The following ESRP1 variants were observed in gnomAD, a reference collection of about 807,000 sequenced individuals.
The protein encoded by ESRP1 is epithelial splicing regulatory protein 1.
ESRP1 carries 33 observed loss-of-function variants against 81.7 expected under a neutral mutation model. The ratio of observed to expected loss-of-function variants is 0.40; its 90% confidence interval spans 0.31 to 0.54. ESRP1 has a LOEUF of 0.54. Among genes scored for constraint, ESRP1 ranks in the 20% least tolerant of loss-of-function variants. ESRP1 has a pLI of 0.41. For synonymous variants in ESRP1, 320 were observed against 303.3 expected (o/e 1.06, Z -0.57); for missense variants, 672 against 833.1 (o/e 0.81, Z 2.38).
At chr8:94,660,746 A>G (rs1393165687) in intron 4 of ESRP1, among the ~76,000 whole-genome samples, 2 of 136,804 alleles carry the variant, frequency 1.5e-5, no homozygotes, top group South Asian at 2.4e-4. Context: ...AAAAAAAACC[A>G]AAACAAACAA....
At chr8:94,650,103 A>C (rs1203710224) in intron 4 of ESRP1, among the ~76,000 whole-genome samples, 1 of 152,154 alleles carries the variant, frequency 6.6e-6, no homozygotes, top group Non-Finnish European at 1.5e-5. Context: ...GCCTACATTG[A>C]CATGTCAATA....
intron 4 of ESRP1, among the ~76,000 whole-genome samples, chr8:94,656,463 C>T (rs533081674): frequency 3.3e-5 from 5 of 152,108 alleles, no homozygotes; most frequent in Admixed American, 2.6e-4. Context: ...CCTTGTGATC[C>T]GCCCACCTTG....
At chr8:94,661,802 G>A (rs1052773619) in intron 4 of ESRP1, among the ~76,000 whole-genome samples, 3 of 152,056 alleles carry the variant, frequency 2.0e-5, no homozygotes, top group Admixed American at 2.0e-4. Context: ...GTGGCATTGT[G>A]GAAGTAATGT....
At chr8:94,648,902 C>T (rs756851758) in intron 4 of ESRP1, among the ~76,000 whole-genome samples, 6 of 152,166 alleles carry the variant, frequency 3.9e-5, no homozygotes, top group Non-Finnish European at 7.3e-5. Flanking sequence ...ACTTTACATC[C>T]AAGTAAATTT....
Position 94,662,339 on chromosome 8 carries a change from T to C in ESRP1, c.558T>C (p.Asn186=). The C allele has an allele frequency of 6.3e-7, 1 of 1,584,578 alleles. No individual in the cohort carries two copies. Residue 186 remains asparagine (N), a synonymous_variant, in exon 5 of 16, where the codon AAT becomes AAC. Transcript: ENST00000433389. ...YGASQVEDMG[N]IILAMISEPY... The stretch of plus-strand genomic sequence containing the variant: ...CCTCTCAAGTTGAAGATATGGGGAA[T>C]ATAATTTTAGCAATGATTTCAGAGC...
In ESRP1 at chr8:94,665,044, G is replaced by A. The variant is rs772723160; in HGVS notation, c.873G>A (p.Gly291=). The A allele has an allele frequency of 5.0e-6, 8 of 1,613,744 alleles. No homozygotes were observed. The Admixed American group carries it at 1.3e-4, about 27-fold the overall frequency. ...TACAGAGGCACAAACATCACATGGG[G>A]ACCCGGTATATTGAGGTATGTCCTC... The part of the protein sequence containing the change: ...LALQRHKHHM[G]TRYIEVYKAT... The change falls in exon 8 of 16, where the codon GGG becomes GGA. Residue 291 remains glycine (G), a synonymous_variant. Coordinates refer to ENST00000433389, the MANE Select transcript of ESRP1 (RefSeq NM_017697.4).
intron 15 of ESRP1, among the ~76,000 whole-genome samples, chr8:94,704,552 C>A (rs1168103750): frequency 1.3e-5 from 2 of 151,866 alleles, no homozygotes; most frequent in Admixed American, 1.3e-4. Flanking sequence ...TTGCTCGAGG[C>A]CTGGAGTTTG....
At chr8:94,702,191 ACT>A (rs1228107175) in intron 15 of ESRP1, among the ~76,000 whole-genome samples, 3 of 152,136 alleles carry the variant, frequency 2.0e-5, no homozygotes, top group African/African-American at 4.8e-5. Flanking sequence ...ATGGAATCTC[ACT>A]CTGTCACCCA....
chr8:94,664,937 G>A lies in ESRP1; in HGVS notation c.766G>A (p.Ala256Thr). The A allele has an allele frequency of 6.2e-7, 1 of 1,613,096 alleles. No homozygotes were observed. Among genetic ancestry groups the A allele is most frequent in the Non-Finnish European group, 8.5e-7 (1 of 1,179,776 alleles). ...TTATTATTCTCAAAGGGGAGGTGCA[G>A]CACTTTGTCTGAATGCTCAGGGTCG... ...KGLNIAKGGA[A>T]LCLNAQGRRN... Residue 256 changes from alanine (A) to threonine (T), a missense_variant, in exon 8 of 16, where the codon GCA (alanine) becomes ACA (threonine). By Grantham distance (58) the Ala-to-Thr change is moderately conservative (BLOSUM62 0). Transcript: ENST00000433389.
At position 94,664,930 on chromosome 8, in the gene ESRP1, A is replaced by T; in HGVS notation, c.759A>T (p.Gly253=). The T allele has an allele frequency of 6.2e-7, 1 of 1,609,624 alleles. No individual in the cohort carries two copies. The highest frequency in any genetic ancestry group is 8.5e-7 in the Non-Finnish European group (1 of 1,179,020). ...GTCTGTTTTATTATTCTCAAAGGGG[A>T]GGTGCAGCACTTTGTCTGAATGCTC... The part of the protein sequence containing the change: ...RFFKGLNIAK[G]GAALCLNAQG... Residue 253 remains glycine (G), a synonymous_variant, in exon 8 of 16, where the codon GGA becomes GGT. Transcript: ENST00000433389.
chr8:94,641,372 C>T lies in ESRP1; in HGVS notation c.54C>T (p.Ala18=), dbSNP rs1817579699. 1 of 1,613,936 alleles carries T rather than the reference C, an allele frequency of 6.2e-7. No homozygotes were observed. The highest frequency in any genetic ancestry group is 8.5e-7 in the Non-Finnish European group (1 of 1,179,870). ...TGCTTTTTGGGATCACTGCTGGGGCCACCGGGGCCAAGCTAGGCTCGGATG... is the reference window on the plus strand; with the variant it reads ...TGCTTTTTGGGATCACTGCTGGGGCTACCGGGGCCAAGCTAGGCTCGGATG... ...LVVLFGITAG[A]TGAKLGSDEK... is the part of the protein sequence containing the mutation. Residue 18 remains alanine (A), a synonymous_variant, in exon 1 of 16, where the codon GCC becomes GCT. Coordinates refer to ENST00000433389, the MANE Select transcript of ESRP1 (RefSeq NM_017697.4).
chr8:94,660,724 A>AC (rs1563525238), intron 4 of ESRP1, among the ~76,000 whole-genome samples: 17 of 132,344 alleles, frequency 1.3e-4, no homozygotes, highest in Admixed American at 6.3e-4. Context: ...AAAAAAAAAA[A>AC]AAAAAAAAAA....
At chr8:94,691,025 C>T (rs533921323) in intron 13 of ESRP1, among the ~76,000 whole-genome samples, 173 of 152,264 alleles carry the variant, frequency 1.1e-3, no homozygotes, top group African/African-American at 4.0e-3. Context: ...CTCTTAGTTT[C>T]TGTTTCCACC....
chr8:94,653,471 A>G (rs1007041750), intron 4 of ESRP1, among the ~76,000 whole-genome samples: 1 of 152,204 alleles, frequency 6.6e-6, no homozygotes, highest in African/African-American at 2.4e-5. Context: ...ACACTCTGCA[A>G]TGTTGACTGA....
intron 13 of ESRP1, among the ~76,000 whole-genome samples, chr8:94,685,970 C>T (rs1809123171): frequency 6.6e-6 from 1 of 152,206 alleles, no homozygotes; most frequent in Non-Finnish European, 1.5e-5. Context: ...TTGTTTGAGA[C>T]ACAGTCTCCC....
chr8:94,647,583 C>A (rs1817913342), intron 4 of ESRP1, among the ~76,000 whole-genome samples: 1 of 152,100 alleles, frequency 6.6e-6, no homozygotes, highest in African/African-American at 2.4e-5. Context: ...CTTACAAGGT[C>A]ACTGCCCTAT....
intron 14 of ESRP1, among the ~76,000 whole-genome samples, 189 bp downstream of exon 14, chr8:94,693,016 G>A (rs566611367): frequency 6.3e-5 from 8 of 127,222 alleles, no homozygotes; most frequent in East Asian, 5.6e-4. Flanking sequence ...CCCCTTGTCA[G>A]AAATTAAGGC....
chr8:94,703,155 T>C (rs1809914033), intron 15 of ESRP1, among the ~76,000 whole-genome samples: 1 of 145,064 alleles, frequency 6.9e-6, no homozygotes, highest in Admixed American at 6.7e-5. Flanking sequence ...AGTTTCTTTT[T>C]GTTGTTGTTG....
At chr8:94,695,353 T>C (rs1809557128) in intron 14 of ESRP1, among the ~76,000 whole-genome samples, 1 of 53,340 alleles carries the variant, frequency 1.9e-5, no homozygotes, top group African/African-American at 9.3e-5. Context: ...TCTTTCTTTT[T>C]TTTTTTTTTT....
Sources: gnomAD v4.1 joint callset for allele counts (sites outside exome capture counted in the v4.1 genomes callset) on GRCh38, gnomAD v4.1.1 for gene constraint, MANE v1.5 for transcripts, NCBI Gene and HGNC (gene_info 2026-07-23, HGNC 2026-07-21) for gene names.